The following SNX29 variants were observed in gnomAD, a reference collection of about 807,000 sequenced individuals.
The protein encoded by SNX29 is sorting nexin 29.
Under a neutral mutation model 102.1 loss-of-function variants are expected in SNX29, and 78 were observed. The ratio of observed to expected loss-of-function variants is 0.76; its 90% confidence interval spans 0.64 to 0.92. The LOEUF (loss-of-function observed/expected upper bound fraction) is 0.92. Ranked by LOEUF, SNX29 falls within the 40% of genes least tolerant of loss-of-function variation. SNX29 has a pLI of 0.00. For synonymous variants in SNX29, 580 were observed against 414.5 expected (o/e 1.40, Z -4.85); for missense variants, 1,280 against 1,061.7 (o/e 1.21, Z -2.86).
chr16:12,182,921 G>A (rs144596365), intron 13 of SNX29, among the ~76,000 whole-genome samples: 4,276 of 129,182 alleles, frequency 0.033, 148 homozygotes, highest in African/African-American at 0.098. Context: ...ACGACAGAGC[G>A]AGACTCTGTC....
chr16:12,214,162 C>T (rs534961129), intron 14 of SNX29, among the ~76,000 whole-genome samples: 4 of 152,186 alleles, frequency 2.6e-5, no homozygotes, highest in African/African-American at 9.7e-5. Context: ...TCCCAAATCA[C>T]TGCAAATGGA....
At chr16:12,234,513 T>C (rs1347471492) in intron 14 of SNX29, among the ~76,000 whole-genome samples, 6 of 152,178 alleles carry the variant, frequency 3.9e-5, no homozygotes, top group Admixed American at 2.0e-4. Flanking sequence ...ATTCTGCAAG[T>C]TTCTTTTCAT....
intron 13 of SNX29, among the ~76,000 whole-genome samples, chr16:12,182,908 T>C (rs2076421118): frequency 8.0e-6 from 1 of 124,256 alleles, no homozygotes; most frequent in Non-Finnish European, 1.6e-5. Flanking sequence ...CACTCCAGCC[T>C]GGACGACAGA....
intron 13 of SNX29, among the ~76,000 whole-genome samples, chr16:12,193,346 G>T (rs377699014): frequency 2.0e-5 from 3 of 151,822 alleles, no homozygotes; most frequent in East Asian, 3.9e-4. Flanking sequence ...GGTGGGTGCC[G>T]GTAATCCCAG....
At chr16:12,414,678 T>G (rs1205103046) in intron 18 of SNX29, among the ~76,000 whole-genome samples, 1 of 152,218 alleles carries the variant, frequency 6.6e-6, no homozygotes, top group Non-Finnish European at 1.5e-5. Flanking sequence ...GCCTGGCCGT[T>G]GTTTTTCAAA....
At chr16:12,564,320 C>G (rs954717594) in intron 20 of SNX29, among the ~76,000 whole-genome samples, 4 of 152,224 alleles carry the variant, frequency 2.6e-5, no homozygotes, top group African/African-American at 7.2e-5. Context: ...TCACTAGTGT[C>G]TCTTACCTTA....
intron 14 of SNX29, among the ~76,000 whole-genome samples, chr16:12,217,428 G>T (rs886234843): frequency 6.6e-6 from 1 of 152,208 alleles, no homozygotes; most frequent in Non-Finnish European, 1.5e-5. Flanking sequence ...GATGGGGTCA[G>T]TTCAGTGGAG....
intron 20 of SNX29, among the ~76,000 whole-genome samples, chr16:12,551,530 C>A (rs1345881100): frequency 6.6e-6 from 1 of 152,244 alleles, no homozygotes; most frequent in Non-Finnish European, 1.5e-5. Context: ...TTTAAAGTTC[C>A]CCAGGTAATT....
intron 14 of SNX29, among the ~76,000 whole-genome samples, chr16:12,267,776 G>C (rs2078971704): frequency 6.6e-6 from 1 of 152,168 alleles, no homozygotes; most frequent in Admixed American, 6.5e-5. Flanking sequence ...CTACCTCCCA[G>C]CCTCTGCACT....
chr16:12,275,404 G>C (rs899183675), intron 14 of SNX29, among the ~76,000 whole-genome samples: 1 of 152,178 alleles, frequency 6.6e-6, no homozygotes, highest in Non-Finnish European at 1.5e-5. Flanking sequence ...CAGACCTACT[G>C]CGTTTTCTCC....
At chr16:12,154,183 A>G (rs2055428514) in intron 13 of SNX29, among the ~76,000 whole-genome samples, 2 of 151,936 alleles carry the variant, frequency 1.3e-5, no homozygotes, top group Admixed American at 6.6e-5. Context: ...CCTTAAGGGA[A>G]TTCTAAAACC....
At chr16:12,089,937 A>T in intron 11 of SNX29, 1 of 272,984 alleles carries the variant, frequency 3.7e-6, no homozygotes, top group South Asian at 3.0e-5. Flanking sequence ...CTTAGCGGCC[A>T]TACTCTCAGG....
chr16:12,318,048 C>G (rs1229002121), intron 15 of SNX29, among the ~76,000 whole-genome samples: 3 of 152,254 alleles, frequency 2.0e-5, no homozygotes, highest in Non-Finnish European at 2.9e-5. Flanking sequence ...GTGTTCGGCC[C>G]CACGCTGGCT....
intron 16 of SNX29, among the ~76,000 whole-genome samples, chr16:12,397,863 G>A (rs1207307377): frequency 1.3e-5 from 2 of 152,148 alleles, no homozygotes; most frequent in Non-Finnish European, 2.9e-5. Context: ...TGTGGGGTCA[G>A]GACCCCTAAG....
At chr16:12,131,405 A>G (rs999650735) in intron 13 of SNX29, among the ~76,000 whole-genome samples, 6 of 152,230 alleles carry the variant, frequency 3.9e-5, no homozygotes, top group African/African-American at 9.7e-5. Flanking sequence ...TTCTTTAACT[A>G]TACATGTAAT....
chr16:12,568,503 C>CA lies in SNX29; in HGVS notation c.2319-2dup, dbSNP rs1567224749. Reference sequence around the variant, plus strand: ...TAACCCGATTCTCTCCCTGCTCTTTCAGCGACATCACCCCGCCCGGAGAGC... The same window carrying CA: ...TAACCCGATTCTCTCCCTGCTCTTTCAAGCGACATCACCCCGCCCGGAGAGC... On this transcript the variant is annotated splice_polypyrimidine_tract_variant and splice_region_variant and intron_variant, in intron 20 of 20. Coordinates refer to ENST00000566228, the MANE Select transcript of SNX29 (RefSeq NM_032167.5). 6.2e-7 allele frequency: 1 copy of CA among 1,609,690 alleles called. No homozygotes were observed. The highest frequency in any genetic ancestry group is 1.7e-5 in the Admixed American group (1 of 60,016).
At chr16:12,415,260 A>G (rs7193128) in intron 18 of SNX29, among the ~76,000 whole-genome samples, 85,501 of 152,170 alleles carry the variant, frequency 0.56, 24,568 homozygotes, top group Non-Finnish European at 0.63. Context: ...CAAGCGCCAC[A>G]CTGTCCTGAA....
intron 20 of SNX29, among the ~76,000 whole-genome samples, chr16:12,532,020 G>T (rs968463001): frequency 6.6e-6 from 1 of 152,190 alleles, no homozygotes; most frequent in Non-Finnish European, 1.5e-5. Flanking sequence ...AGAGGCAGGA[G>T]CAGGAGGTGT....
rs375248403 is a variant in SNX29 at position 12,004,383 on chromosome 16, G to A, written c.122+1340G>A. Among the ~76,000 whole-genome samples, 7 of 151,840 alleles carry A rather than the reference G, an allele frequency of 4.6e-5. No individual in the cohort carries two copies. The East Asian group carries it at 1.2e-3, about 25-fold the overall frequency. ...CCTAAAAATGGCCATTGACATTCACGACCCAGGAAAGGCTGACATCATTGC... is the reference window on the plus strand; with the variant it reads ...CCTAAAAATGGCCATTGACATTCACAACCCAGGAAAGGCTGACATCATTGC... On this transcript the variant is annotated intron_variant, in intron 3 of 20. Coordinates refer to ENST00000566228, the MANE Select transcript of SNX29 (RefSeq NM_032167.5).
Sources: gnomAD v4.1 joint callset for allele counts (sites outside exome capture counted in the v4.1 genomes callset) on GRCh38, gnomAD v4.1.1 for gene constraint, MANE v1.5 for transcripts, NCBI Gene and HGNC (gene_info 2026-07-23, HGNC 2026-07-21) for gene names.